DLC1: variants seen among roughly 807,000 people sequenced by gnomAD.
DLC1 encodes the protein DLC1 Rho GTPase activating protein.
A neutral mutation model predicts 140.3 loss-of-function variants in DLC1; 54 were observed. The observed-to-expected ratio is 0.38, with a 90% CI of 0.31 to 0.48. DLC1 has a LOEUF of 0.48. DLC1 is among the 20% of genes least tolerant of loss of function. The probability of loss-of-function intolerance (pLI) is 0.96; values close to 1 mark genes in which losing one functional copy is unlikely to be tolerated. For missense variants in DLC1, 2,536 were observed against 1,907.0 expected (o/e 1.33, Z -6.14); for synonymous variants, 986 against 728.1 (o/e 1.35, Z -5.70).
intron 5 of DLC1, among the ~76,000 whole-genome samples, chr8:13,241,199 A>G (rs1319981400): frequency 6.6e-6 from 1 of 152,214 alleles, no homozygotes; most frequent in Non-Finnish European, 1.5e-5. Context: ...CTATATGTAC[A>G]CTTTGATCTT....
intron 5 of DLC1, among the ~76,000 whole-genome samples, chr8:13,219,368 A>ATATAAT (rs1828424786): frequency 1.4e-5 from 2 of 145,140 alleles, no homozygotes; most frequent in East Asian, 3.9e-4. Flanking sequence ...TATAATTCAT[A>ATATAAT]TACTTATATA....
chr8:13,467,590 G>A (rs909109897), intron 2 of DLC1, among the ~76,000 whole-genome samples: 1 of 152,052 alleles, frequency 6.6e-6, no homozygotes, highest in Non-Finnish European at 1.5e-5. Flanking sequence ...AATCAGCCAA[G>A]TGTGATGGTA....
Position 13,384,624 on chromosome 8 carries a change from C to T in DLC1, c.1314+8929G>A, listed in dbSNP as rs1356884144. Among the ~76,000 whole-genome samples the T allele has an allele frequency of 4.0e-5, 6 of 149,440 alleles. No individual in the cohort carries two copies. In the East Asian group the frequency reaches 1.2e-3, roughly 29 times the overall value. ...AAGAAAAAATGTAAAAAATAATGTC[C>T]AATGATCTACCTAAAACCCTGTGTT... is the stretch of plus-strand genomic sequence containing the variant. On this transcript the variant is annotated intron_variant, in intron 4 of 17. Transcript: ENST00000276297.
chr8:13,222,158 G>C (rs1039777642), intron 5 of DLC1, among the ~76,000 whole-genome samples: 10 of 151,738 alleles, frequency 6.6e-5, no homozygotes, highest in African/African-American at 2.2e-4. Context: ...ATATTACAGA[G>C]AGGTATTTCA....
intron 5 of DLC1, among the ~76,000 whole-genome samples, chr8:13,299,257 AC>A (rs1438233390): frequency 2.0e-5 from 3 of 151,934 alleles, no homozygotes; most frequent in Non-Finnish European, 4.4e-5. Flanking sequence ...AGCCCAGCCA[AC>A]ATAGTGAAAC....
intron 1 of DLC1, among the ~76,000 whole-genome samples, chr8:13,570,689 C>G (rs899058527): frequency 6.6e-6 from 1 of 151,932 alleles, no homozygotes; most frequent in South Asian, 2.1e-4. Flanking sequence ...TTAATCCAGT[C>G]TATGATTGTT....
chr8:13,600,077 T>G (rs1167939832), intron 1 of DLC1, among the ~76,000 whole-genome samples: 1 of 151,906 alleles, frequency 6.6e-6, no homozygotes, highest in Non-Finnish European at 1.5e-5. Flanking sequence ...CCCTAAACTG[T>G]GTCATTAGAA....
chr8:13,580,594 G>C (rs1374118976), intron 1 of DLC1, among the ~76,000 whole-genome samples: 1 of 152,172 alleles, frequency 6.6e-6, no homozygotes, highest in Non-Finnish European at 1.5e-5. Context: ...GCAGAGGTGA[G>C]ATGGACTCCC....
chr8:13,425,318 A>G (rs1028036108), intron 2 of DLC1, among the ~76,000 whole-genome samples: 2 of 152,166 alleles, frequency 1.3e-5, no homozygotes, highest in Non-Finnish European at 2.9e-5. Context: ...TTAGTTGCAT[A>G]TCAATATTGA....
intron 2 of DLC1, among the ~76,000 whole-genome samples, chr8:13,464,089 G>A (rs1389403669): frequency 4.6e-5 from 7 of 152,150 alleles, no homozygotes; most frequent in Admixed American, 1.3e-4. Flanking sequence ...GGCTGAGGCC[G>A]GGGGAAACCA....
chr8:13,321,677 A>T lies in DLC1; in HGVS notation c.1315-16375T>A, dbSNP rs530624366. Among the ~76,000 whole-genome samples, 40 of 152,156 alleles carry T rather than the reference A, an allele frequency of 2.6e-4. 1 individual carries two copies. The highest frequency in any genetic ancestry group is 1.7e-3 in the South Asian group (8 of 4,806). On this transcript the variant is annotated intron_variant, in intron 4 of 17. Transcript: ENST00000276297. ...TTCTTTTCTGCAGGAAGTCACCATC[A>T]TACATACCTTGAATCAGGAGGATAA...
chr8:13,422,232 T>A (rs1311840661), intron 2 of DLC1, among the ~76,000 whole-genome samples: 1 of 152,154 alleles, frequency 6.6e-6, no homozygotes, highest in Non-Finnish European at 1.5e-5. Flanking sequence ...AAGTAATCTT[T>A]CTGTGTTTTC....
intron 5 of DLC1, among the ~76,000 whole-genome samples, chr8:13,255,862 GAAAGA>G (rs1830203497): frequency 6.6e-6 from 1 of 152,202 alleles, no homozygotes. Context: ...TTTGTTAAAT[GAAAGA>G]ATATTGCCCA....
rs1451863861 is a variant in DLC1, at chr8:13,084,966, A to G, written c.*845T>C. On this transcript the variant is annotated 3_prime_UTR_variant, in exon 18 of 18. Coordinates refer to ENST00000276297, the MANE Select transcript of DLC1 (RefSeq NM_182643.3). Reference sequence around the variant, plus strand: ...ACTTAAACAAAAAACAAAACAAAACAAAACAAAACCCTGTGGATCAGAGCC... The same window carrying G: ...ACTTAAACAAAAAACAAAACAAAACGAAACAAAACCCTGTGGATCAGAGCC... The G allele has an allele frequency of 6.6e-6, 1 of 152,336 alleles. No individual in the cohort carries two copies. Among genetic ancestry groups the G allele is most frequent in the Non-Finnish European group, 1.5e-5 (1 of 68,110 alleles). 9.4% of individuals were successfully genotyped at this position (152,336 alleles called of 1,614,324 possible).
At chr8:13,367,163 A>C (rs897265) in intron 4 of DLC1, among the ~76,000 whole-genome samples, 1 of 151,896 alleles carries the variant, frequency 6.6e-6, no homozygotes, top group African/African-American at 2.4e-5. Context: ...TTGGGTTTCT[A>C]CTTTAGTCCT....
intron 5 of DLC1, among the ~76,000 whole-genome samples, chr8:13,123,469 T>C (rs1259306781): frequency 1.3e-5 from 2 of 151,142 alleles, no homozygotes; most frequent in Non-Finnish European, 2.9e-5. Flanking sequence ...GCCTCCTGAG[T>C]AGCTGGGGCT....
At position 13,413,255 on chromosome 8, in the gene DLC1, G is replaced by GTTTTTTTTTTTTT. The variant is rs1461897724; in HGVS notation, c.1024-11637_1024-11636insAAAAAAAAAAAAA. On this transcript the variant is annotated intron_variant, in intron 2 of 17. Transcript: ENST00000276297. ...TTAAAACATTATGAGATTTTTTTGCGATTTTTTTTTTTTTTTTTTTTTAGC... is the reference window on the plus strand; with the variant it reads ...TTAAAACATTATGAGATTTTTTTGCGTTTTTTTTTTTTTATTTTTTTTTTTTTTTTTTTTTAGC... Among the ~76,000 whole-genome samples, 17 of 30,122 alleles carry GTTTTTTTTTTTTT rather than the reference G, an allele frequency of 5.6e-4. 1 individual carries two copies. Among genetic ancestry groups the GTTTTTTTTTTTTT allele is most frequent in the Non-Finnish European group, 1.2e-3 (14 of 11,532 alleles). The allele number at this position is 30,122 out of a possible 152,430, so 19.8% of individuals were successfully genotyped here.
At chr8:13,133,326 G>A in intron 5 of DLC1, 4 of 1,182,806 alleles carry the variant, frequency 3.4e-6, no homozygotes, top group Non-Finnish European at 4.2e-6. Flanking sequence ...CCCTCCCGCT[G>A]GGCCCACCCC....
chr8:13,167,066 A>T (rs1332321142), intron 5 of DLC1, among the ~76,000 whole-genome samples: 1 of 152,192 alleles, frequency 6.6e-6, no homozygotes, highest in Admixed American at 6.5e-5. Flanking sequence ...AATGAACATG[A>T]AAAAGGCCCT....
Sources: gnomAD v4.1 joint callset for allele counts (sites outside exome capture counted in the v4.1 genomes callset) on GRCh38, gnomAD v4.1.1 for gene constraint, MANE v1.5 for transcripts, NCBI Gene and HGNC (gene_info 2026-07-23, HGNC 2026-07-21) for gene names.